The following SLC12A9 variants were observed in gnomAD, a reference collection of about 807,000 sequenced individuals.
SLC12A9 encodes CCC-interacting protein 1.
A neutral mutation model predicts 66.0 loss-of-function variants in SLC12A9; 55 were observed. That is an observed-to-expected ratio of 0.83 (90% CI 0.67 to 1.04). The LOEUF (loss-of-function observed/expected upper bound fraction) is 1.04, where lower values mean the gene tolerates loss of function less well. Among genes scored for constraint, SLC12A9 ranks in the 50% least tolerant of loss-of-function variants. SLC12A9 has a pLI of 0.00. For missense variants in SLC12A9, 1,061 were observed against 1,241.9 expected (o/e 0.85, Z 2.19); for synonymous variants, 577 against 569.0 (o/e 1.01, Z -0.20).
chr7:100,862,902 A>G, intron 13 of SLC12A9, 75 bp downstream of exon 13: 1 of 1,573,292 alleles, frequency 6.4e-7, no homozygotes, highest in East Asian at 2.2e-5. Flanking sequence ...TCCCCTAGAG[A>G]GTCAGCCACA....
chr7:100,845,360 A>T (rs141766993), intron 1 of SLC12A9, among the ~76,000 whole-genome samples: 2,773 of 150,466 alleles, frequency 0.018, 88 homozygotes, highest in African/African-American at 0.064. Flanking sequence ...TTATTTATTT[A>T]TTTTTTTGAG....
chr7:100,865,051 G>A (rs1040904512), intron 13 of SLC12A9, among the ~76,000 whole-genome samples: 19 of 151,890 alleles, frequency 1.3e-4, no homozygotes, highest in Non-Finnish European at 2.5e-4. Context: ...ACCACCTTCC[G>A]GGTTCAGGCA....
chr7:100,862,577 T>TC (rs1173585035), intron 12 of SLC12A9, 104 bp from the exon 13 acceptor site: 1 of 1,378,126 alleles, frequency 7.3e-7, no homozygotes, highest in East Asian at 2.3e-5. Flanking sequence ...CCATGACCCC[T>TC]CCAAGTAGCC....
At chr7:100,834,262 A>G (rs1236126483) in intron 1 of SLC12A9, among the ~76,000 whole-genome samples, 1 of 152,070 alleles carries the variant, frequency 6.6e-6, no homozygotes, top group Non-Finnish European at 1.5e-5. Flanking sequence ...AGAGTTCACA[A>G]CGCCAGGTCA....
intron 13 of SLC12A9, 103 bp from the exon 14 acceptor site, chr7:100,865,616 C>G (rs1815028391): frequency 1.5e-5 from 24 of 1,557,824 alleles, no homozygotes; most frequent in Non-Finnish European, 2.0e-5. Flanking sequence ...GAATGTCATA[C>G]CTATGGCTGA....
At chr7:100,841,074 AAAAGAATTTTT>A (rs1813779223) in intron 1 of SLC12A9, among the ~76,000 whole-genome samples, 1 of 152,158 alleles carries the variant, frequency 6.6e-6, no homozygotes, top group Non-Finnish European at 1.5e-5. Context: ...TCCTAAGGAA[AAAAGAATTTTT>A]TTTCCTTAGG....
chr7:100,852,504 T>C (rs1814125871), upstream of SLC12A9: 1 of 152,014 alleles, frequency 6.6e-6, no homozygotes, highest in Non-Finnish European at 1.5e-5. Flanking sequence ...GCGGCGACGA[T>C]TGTTTGTACC....
chr7:100,827,813 C>T (rs144395502), intron 1 of SLC12A9, among the ~76,000 whole-genome samples: 1 of 152,176 alleles, frequency 6.6e-6, no homozygotes, highest in South Asian at 2.1e-4. Context: ...GGCCCAGGGA[C>T]CCCCGGGACA....
intron 3 of SLC12A9, among the ~76,000 whole-genome samples, chr7:100,855,028 A>G (rs1049075569): frequency 2.0e-5 from 3 of 152,034 alleles, no homozygotes; most frequent in Admixed American, 2.0e-4. Context: ...GCTGGGCATG[A>G]TGGCACCCGC....
chr7:100,855,705 G>C lies in SLC12A9; in HGVS notation c.317-1G>C. 1 of 1,614,078 alleles carries C rather than the reference G, an allele frequency of 6.2e-7. No individual in the cohort carries two copies. Among genetic ancestry groups the C allele is most frequent in the Non-Finnish European group, 8.5e-7 (1 of 1,179,978 alleles). On this transcript the variant is annotated splice_acceptor_variant, in intron 3 of 13. Transcript: ENST00000354161. LOFTEE classifies it high-confidence loss of function. ...ATGCTCACCCCTGCTTCCACTTTCAGTCATGATCAGCCGCACACTGGGGCC... is the reference window on the plus strand; with the variant it reads ...ATGCTCACCCCTGCTTCCACTTTCACTCATGATCAGCCGCACACTGGGGCC...
chr7:100,862,885 G>T, intron 13 of SLC12A9, 58 bp downstream of exon 13: 1 of 1,601,322 alleles, frequency 6.2e-7, no homozygotes, highest in East Asian at 2.2e-5. Flanking sequence ...TCAAATCTCC[G>T]CTCCCCTCCC....
At position 100,861,781 on chromosome 7, in the gene SLC12A9, G is replaced by A. The variant is rs536727216; in HGVS notation, c.1581G>A (p.Val527=). 1.2e-6 allele frequency: 2 copies of A among 1,614,078 alleles called. No individual in the cohort carries two copies. Among genetic ancestry groups the A allele is most frequent in the South Asian group, 2.2e-5 (2 of 91,072 alleles). The part of the protein sequence containing the change: ...LLRLDVRKDH[V]KFWRPQLLLL... The stretch of plus-strand genomic sequence containing the variant: ...GGCTGGACGTCCGGAAGGATCACGT[G>A]AAGTTCTGGCGGCCCCAGCTGCTGC... The change falls in exon 12 of 14, where the codon GTG becomes GTA. Residue 527 remains valine, a synonymous_variant. Coordinates refer to ENST00000354161, the MANE Select transcript of SLC12A9 (RefSeq NM_020246.4). The surrounding 1 kb of genome is among the most constrained non-coding windows in gnomAD (Gnocchi z 5.3).
At chr7:100,853,728 AT>A (rs1183207453) in intron 1 of SLC12A9, among the ~76,000 whole-genome samples, 104 of 129,960 alleles carry the variant, frequency 8.0e-4, no homozygotes, top group Admixed American at 1.3e-3. Context: ...CGCTTGGCTA[AT>A]TTTTTTTTTT....
chr7:100,857,348 G>A, intron 5 of SLC12A9, 172 bp downstream of exon 5: 1 of 756,332 alleles, frequency 1.3e-6, no homozygotes, highest in Non-Finnish European at 2.1e-6. Context: ...TGCTTGGCCG[G>A]CAGGGCAGGA....
chr7:100,856,624 C>T (rs1814404457), intron 4 of SLC12A9: 1 of 484,682 alleles, frequency 2.1e-6, no homozygotes, highest in African/African-American at 1.9e-5. Context: ...ATGCGATTCT[C>T]CCACCTCAGC....
intron 12 of SLC12A9, among the ~76,000 whole-genome samples, 189 bp downstream of exon 12, chr7:100,862,100 G>A (rs1261502443): frequency 6.6e-6 from 1 of 151,524 alleles, no homozygotes; most frequent in Non-Finnish European, 1.5e-5. Context: ...GGGATTACAG[G>A]CACACACCAT....
chr7:100,827,449 G>C (rs1584671281), intron 1 of SLC12A9: 1 of 151,000 alleles, frequency 6.6e-6, no homozygotes, highest in East Asian at 2.0e-4. Flanking sequence ...GAGCGGGGAC[G>C]GAGCGGGAGG....
intron 1 of SLC12A9, among the ~76,000 whole-genome samples, chr7:100,843,668 C>G (rs909159199): frequency 1.3e-5 from 2 of 152,324 alleles, no homozygotes; most frequent in East Asian, 3.9e-4. Context: ...TAAACTAACC[C>G]TTAGGCAAAA....
chr7:100,862,200 G>A (rs946734073), intron 12 of SLC12A9, among the ~76,000 whole-genome samples: 36 of 151,942 alleles, frequency 2.4e-4, no homozygotes, highest in Admixed American at 2.0e-4. Context: ...CAAGTGCTCC[G>A]CCCATCTCGG....
Sources: allele counts gnomAD v4.1 joint callset (sites outside exome capture counted in the v4.1 genomes callset), GRCh38; gene constraint gnomAD v4.1.1; non-coding constraint Gnocchi (gnomAD v3.1); transcripts MANE v1.5; gene names NCBI Gene and HGNC (gene_info 2026-07-23, HGNC 2026-07-21).